Variants in KDM4C observed in about 807,000 individuals in gnomAD.
The protein encoded by KDM4C is lysine-specific demethylase 4C.
In KDM4C, 81 loss-of-function variants were observed where a neutral mutation model predicts 129.3. The observed-to-expected ratio is 0.63, with a 90% CI of 0.52 to 0.75. KDM4C has a LOEUF of 0.75. Ranked by LOEUF, KDM4C falls within the 30% of genes least tolerant of loss-of-function variation. KDM4C has a pLI of 0.00. For missense variants in KDM4C, 1,457 were observed against 1,304.0 expected, an observed-to-expected ratio of 1.12 and a Z score of -1.81; for synonymous variants, 573 against 456.1, an observed-to-expected ratio of 1.26 and a Z score of -3.26.
intron 1 of KDM4C, chr9:6,721,000 G>T (rs773017288): frequency 2.8e-5 from 43 of 1,550,382 alleles, no homozygotes; most frequent in Non-Finnish European, 3.6e-5. Context: ...AGCTGCAGGT[G>T]AGTGCTGCTC....
At chr9:6,834,173 G>A (rs563985726) in intron 4 of KDM4C, among the ~76,000 whole-genome samples, 46 of 151,250 alleles carry the variant, frequency 3.0e-4, no homozygotes, top group Non-Finnish European at 5.7e-4. Flanking sequence ...CAAAAAGCTG[G>A]GACTACAGGC....
intron 5 of KDM4C, among the ~76,000 whole-genome samples, chr9:6,865,196 G>T (rs1438712967): frequency 6.6e-6 from 1 of 151,964 alleles, no homozygotes; most frequent in East Asian, 1.9e-4. Context: ...TTTTAGTAGA[G>T]ACGGGGTTTC....
intron 1 of KDM4C, among the ~76,000 whole-genome samples, chr9:6,767,555 C>T (rs752689461): frequency 4.6e-5 from 7 of 152,118 alleles, no homozygotes; most frequent in Admixed American, 3.9e-4. Flanking sequence ...CTGCCTCAGT[C>T]TCCCGAGTAG....
intron 18 of KDM4C, among the ~76,000 whole-genome samples, chr9:7,109,674 A>G (rs182445250): frequency 7.8e-4 from 119 of 152,274 alleles, no homozygotes; most frequent in Non-Finnish European, 4.3e-4. Flanking sequence ...TTTAAACATC[A>G]TCATGGTTTG....
chr9:7,113,774 C>A (rs1031377268), intron 18 of KDM4C, among the ~76,000 whole-genome samples: 1 of 152,190 alleles, frequency 6.6e-6, no homozygotes, highest in African/African-American at 2.4e-5. Context: ...TCTTCAAAGT[C>A]TGGGAAATGA....
chr9:6,831,225 C>T (rs1289738932), intron 4 of KDM4C, among the ~76,000 whole-genome samples: 1 of 152,096 alleles, frequency 6.6e-6, no homozygotes, highest in Non-Finnish European at 1.5e-5. Context: ...GAATCAGTGG[C>T]TGAAACAAAT....
intron 5 of KDM4C, among the ~76,000 whole-genome samples, chr9:6,866,328 C>A (rs1841973992): frequency 6.6e-6 from 1 of 151,626 alleles, no homozygotes. Context: ...TTTTTGGTTC[C>A]AGATGGTGCC....
At chr9:6,793,792 C>G (rs941140822) in intron 2 of KDM4C, among the ~76,000 whole-genome samples, 1 of 152,138 alleles carries the variant, frequency 6.6e-6, no homozygotes. Context: ...ATCCATCCGC[C>G]TCGGCTTCCC....
In KDM4C at chr9:6,843,225, G is replaced by A. The variant is rs569991994; in HGVS notation, c.436-6282G>A. ...ATTACAGGCATGAGCCACTGTGCCC[G>A]GCCTGCTGCCATGCTGTTTGGAACA... is the stretch of plus-strand genomic sequence containing the variant. On this transcript the variant is annotated intron_variant, in intron 4 of 21. Coordinates refer to ENST00000381309, the MANE Select transcript of KDM4C (RefSeq NM_015061.6). Among the ~76,000 whole-genome samples the A allele has an allele frequency of 2.8e-4, 42 of 152,300 alleles. No individual in the cohort carries two copies. The East Asian group carries it at 6.2e-3, about 22-fold the overall frequency.
In KDM4C at chr9:7,174,738, C is replaced by A; in HGVS notation, c.*9C>A. On this transcript the variant is annotated 3_prime_UTR_variant, in exon 22 of 22. Transcript: ENST00000381309. ...GCCAGAAGAGACAGTAGTCTGCATA[C>A]ATCGCTGCAGGCCACAGAGCAGCTT... The A allele has an allele frequency of 6.2e-7, 1 of 1,611,270 alleles. No individual in the cohort carries two copies. Among genetic ancestry groups the A allele is most frequent in the Non-Finnish European group, 8.5e-7 (1 of 1,177,596 alleles).
intron 1 of KDM4C, among the ~76,000 whole-genome samples, chr9:6,752,332 CAAAAAAAAAAAAAAAAAA>C (rs1159747148): frequency 2.1e-4 from 4 of 19,258 alleles, no homozygotes; most frequent in African/African-American, 5.1e-4. Flanking sequence ...AACTCCGTCT[CAAAAAAAAAAAAAAAAAA>C]AAAAAAAAAA....
At chr9:6,922,101 A>G (rs1266710706) in intron 8 of KDM4C, among the ~76,000 whole-genome samples, 4 of 152,248 alleles carry the variant, frequency 2.6e-5, no homozygotes, top group Middle Eastern at 3.2e-3. Flanking sequence ...GTACACGTTC[A>G]GCAAATATTT....
chr9:6,875,024 T>G (rs1843344080), intron 5 of KDM4C, among the ~76,000 whole-genome samples: 1 of 152,056 alleles, frequency 6.6e-6, no homozygotes, highest in African/African-American at 2.4e-5. Context: ...AGGATGCAGT[T>G]GCTGGTCCTG....
chr9:6,982,180 A>T (rs1816878330), intron 9 of KDM4C: 2 of 151,754 alleles, frequency 1.3e-5, no homozygotes, highest in African/African-American at 4.8e-5. Context: ...CCATAATTTT[A>T]CATCTTTGCC....
intron 2 of KDM4C, among the ~76,000 whole-genome samples, chr9:6,795,853 G>C (rs117326417): frequency 0.047 from 7,200 of 151,752 alleles, 270 homozygotes; most frequent in Non-Finnish European, 0.076. Context: ...TGTATTTTTT[G>C]TAGAGCCAAG....
intron 1 of KDM4C, chr9:6,748,994 C>G (rs912499389): frequency 3.8e-6 from 3 of 790,546 alleles, no homozygotes; most frequent in African/African-American, 3.4e-5. Context: ...TGGAATTTCA[C>G]AAAGAGCACA....
chr9:6,856,395 A>G (rs927339693), intron 5 of KDM4C, among the ~76,000 whole-genome samples: 1 of 152,202 alleles, frequency 6.6e-6, no homozygotes, highest in Non-Finnish European at 1.5e-5. Flanking sequence ...AGAATTAACC[A>G]TGGTTCATTT....
At chr9:6,876,375 A>AAATATGACT (rs1460224030) in intron 5 of KDM4C, among the ~76,000 whole-genome samples, 1 of 152,108 alleles carries the variant, frequency 6.6e-6, no homozygotes, top group African/African-American at 2.4e-5. Flanking sequence ...ATGAGCTCCT[A>AAATATGACT]AATATGACTC....
intron 8 of KDM4C, among the ~76,000 whole-genome samples, chr9:6,952,075 A>T (rs573235591): frequency 1.3e-5 from 2 of 152,290 alleles, no homozygotes; most frequent in South Asian, 2.1e-4. Context: ...TACATTGTTG[A>T]TGATACTGTA....
Sources: gnomAD v4.1 joint callset for allele counts (sites outside exome capture counted in the v4.1 genomes callset) on GRCh38, gnomAD v4.1.1 for gene constraint, MANE v1.5 for transcripts, NCBI Gene and HGNC (gene_info 2026-07-23, HGNC 2026-07-21) for gene names.